The following ATP10B variants were observed in gnomAD, a reference collection of about 807,000 sequenced individuals.
ATP10B encodes ATPase phospholipid transporting 10B (putative), also known as phospholipid-transporting ATPase VB.
In ATP10B, 122 loss-of-function variants were observed where a neutral mutation model predicts 141.2. That is an observed-to-expected ratio of 0.86 (90% confidence interval 0.75 to 1.00). The LOEUF (loss-of-function observed/expected upper bound fraction) is 1.00, where lower values mean the gene tolerates loss of function less well. Among genes scored for constraint, ATP10B ranks in the 50% least tolerant of loss-of-function variants. The probability of loss-of-function intolerance (pLI) is 0.00; values close to 1 mark genes in which losing one functional copy is unlikely to be tolerated. For missense variants in ATP10B, 1,876 were observed against 1,825.3 expected, an observed-to-expected ratio of 1.03 and a Z score of -0.51; for synonymous variants, 685 against 692.0, an observed-to-expected ratio of 0.99 and a Z score of 0.16.
At chr5:160,616,068 C>A in intron 16 of ATP10B, 104 bp from the exon 17 acceptor site, 1 of 1,248,418 alleles carries the variant, frequency 8.0e-7, no homozygotes, top group Non-Finnish European at 1.1e-6. Flanking sequence ...TTTGAACTTC[C>A]CTACATAATT....
chr5:160,769,610 G>A (rs1769732742), intron 2 of ATP10B, among the ~76,000 whole-genome samples: 1 of 152,186 alleles, frequency 6.6e-6, no homozygotes, highest in African/African-American at 2.4e-5. Context: ...TGCTTCTTGG[G>A]ACAGAAAATG....
chr5:160,599,032 G>A, intron 21 of ATP10B, 62 bp from the exon 22 acceptor site: 2 of 1,525,316 alleles, frequency 1.3e-6, no homozygotes, highest in Non-Finnish European at 1.8e-6. Flanking sequence ...ACCAGCTCCT[G>A]CTTGGGACCT....
Position 160,709,608 on chromosome 5 carries a change from ATTT to A in ATP10B, c.-205+7298_-205+7300del, listed in dbSNP as rs34526186. 6.2e-3 allele frequency among the ~76,000 whole-genome samples: 895 copies of A among 143,232 alleles called. 11 individuals carry two copies. Among genetic ancestry groups the A allele is most frequent in the African/African-American group, 0.021 (813 of 39,102 alleles). 94.0% of individuals were successfully genotyped at this position (143,232 alleles called of 152,430 possible). A position where few individuals can be genotyped will look rare whatever the true frequency, so the allele number is the denominator to read the frequency against. ...TTCATAAACAAATTTTTTTTTTTTA[ATTT>A]TTTTTTTTTTATTATACTCTAAGTT... On this transcript the variant is annotated intron_variant, in intron 3 of 25. Coordinates refer to ENST00000327245, the MANE Select transcript of ATP10B (RefSeq NM_025153.3).
At chr5:160,648,697 A>G (rs941996845) in intron 8 of ATP10B, among the ~76,000 whole-genome samples, 17 of 152,142 alleles carry the variant, frequency 1.1e-4, no homozygotes, top group Non-Finnish European at 1.9e-4. Context: ...TAGATATTAT[A>G]ATTTTATTTT....
chr5:160,839,422 G>A (rs1387114722), intron 1 of ATP10B, among the ~76,000 whole-genome samples: 1 of 152,110 alleles, frequency 6.6e-6, no homozygotes, highest in African/African-American at 2.4e-5. Context: ...ATTTTGTTAT[G>A]AGAAGGGGTA....
the ATP10B span, among the ~76,000 whole-genome samples, chr5:160,904,171 G>A: frequency 4.6e-5 from 7 of 152,054 alleles, no homozygotes; most frequent in Non-Finnish European, 8.8e-5. Flanking sequence ...ATGGTTTCCT[G>A]CTTTTTAAAG....
chr5:160,717,308 T>A (rs1765719346), intron 2 of ATP10B, among the ~76,000 whole-genome samples: 1 of 152,074 alleles, frequency 6.6e-6, no homozygotes, highest in Non-Finnish European at 1.5e-5. Flanking sequence ...AAAACAAAAA[T>A]GATATAATGT....
intron 2 of ATP10B, among the ~76,000 whole-genome samples, chr5:160,769,309 G>A (rs1445884631): frequency 1.3e-5 from 2 of 152,194 alleles, no homozygotes; most frequent in Non-Finnish European, 2.9e-5. Flanking sequence ...AAGATTGACA[G>A]GAGAGTGAAG....
At chr5:160,616,262 T>C (rs938009398) in intron 16 of ATP10B, among the ~76,000 whole-genome samples, 2 of 152,156 alleles carry the variant, frequency 1.3e-5, no homozygotes, top group African/African-American at 4.8e-5. Context: ...TCCAAATAAA[T>C]AATTTAAAAT....
chr5:160,742,231 T>C (rs1361160177), intron 2 of ATP10B, among the ~76,000 whole-genome samples: 1 of 152,176 alleles, frequency 6.6e-6, no homozygotes, highest in Non-Finnish European at 1.5e-5. Flanking sequence ...CTTTTTCTCA[T>C]GGTTAGTAAA....
chr5:160,621,775 C>T (rs1485362953), intron 14 of ATP10B, among the ~76,000 whole-genome samples: 4 of 152,174 alleles, frequency 2.6e-5, no homozygotes, highest in Non-Finnish European at 5.9e-5. Context: ...AGATTGAAGG[C>T]AAATCCACCT....
At chr5:160,740,981 C>G (rs1767430300) in intron 2 of ATP10B, among the ~76,000 whole-genome samples, 1 of 152,198 alleles carries the variant, frequency 6.6e-6, no homozygotes, top group African/African-American at 2.4e-5. Flanking sequence ...CTCCCCAATC[C>G]TTACTCCCCT....
At chr5:160,741,976 G>A (rs564695855) in intron 2 of ATP10B, among the ~76,000 whole-genome samples, 3 of 152,124 alleles carry the variant, frequency 2.0e-5, no homozygotes, top group Admixed American at 6.5e-5. Context: ...TTAGAAACCC[G>A]ATGAGGAAGA....
intron 1 of ATP10B, among the ~76,000 whole-genome samples, chr5:160,824,746 T>C (rs1382012597): frequency 6.6e-6 from 1 of 151,280 alleles, no homozygotes; most frequent in Non-Finnish European, 1.5e-5. Flanking sequence ...TGTAATATTG[T>C]GGGACCTCTG....
chr5:160,669,187 G>A (rs1445689811), intron 7 of ATP10B, among the ~76,000 whole-genome samples: 1 of 152,136 alleles, frequency 6.6e-6, no homozygotes, highest in Non-Finnish European at 1.5e-5. Context: ...TTGCAAATTG[G>A]GATATCACAC....
chr5:160,843,686 A>T (rs1775941600), intron 1 of ATP10B, among the ~76,000 whole-genome samples: 1 of 152,170 alleles, frequency 6.6e-6, no homozygotes, highest in Admixed American at 6.6e-5. Flanking sequence ...AGTTTTGATC[A>T]AACATACTGT....
chr5:160,666,737 G>A lies in ATP10B; in HGVS notation c.675+3726C>T, dbSNP rs187844509. ...AAAAGTATAAGGGAGAAGCAAGGTC[G>A]CAAAGAGCAGCCAAGATGTCTCCCT... On this transcript the variant is annotated intron_variant, in intron 7 of 25. Coordinates refer to ENST00000327245, the MANE Select transcript of ATP10B (RefSeq NM_025153.3). Among the ~76,000 whole-genome samples, 653 of 152,294 alleles carry A rather than the reference G, an allele frequency of 4.3e-3. 1 individual carries two copies. Among genetic ancestry groups the A allele is most frequent in the Middle Eastern group, 0.014 (4 of 294 alleles).
At chr5:160,680,503 A>T (rs1763316180) in intron 6 of ATP10B, among the ~76,000 whole-genome samples, 1 of 152,238 alleles carries the variant, frequency 6.6e-6, no homozygotes, top group African/African-American at 2.4e-5. Context: ...CTTTAGGGAC[A>T]TATAGTATAG....
chr5:160,658,406 C>T (rs1761655495), intron 7 of ATP10B, among the ~76,000 whole-genome samples: 1 of 152,136 alleles, frequency 6.6e-6, no homozygotes, highest in South Asian at 2.1e-4. Context: ...ATTAAGCCCC[C>T]TTCCTTAAGG....
Sources: allele counts gnomAD v4.1 joint callset (sites outside exome capture counted in the v4.1 genomes callset), GRCh38; gene constraint gnomAD v4.1.1; transcripts MANE v1.5; gene names NCBI Gene and HGNC (gene_info 2026-07-23, HGNC 2026-07-21).